The following CEP120 variants were observed in gnomAD, a reference collection of about 807,000 sequenced individuals.
The protein encoded by CEP120 is centrosomal protein of 120 kDa.
In CEP120, 113 loss-of-function variants were observed where a neutral mutation model predicts 126.5. The observed-to-expected ratio is 0.89, with a 90% CI of 0.77 to 1.04. The LOEUF (loss-of-function observed/expected upper bound fraction) is 1.04, where lower values mean the gene tolerates loss of function less well. CEP120 is among the 50% of genes least tolerant of loss of function. The pLI, the probability that CEP120 is intolerant of heterozygous loss-of-function variation, is 0.00. For missense variants in CEP120, 1,230 were observed against 1,155.7 expected, an observed-to-expected ratio of 1.06 and a Z score of -0.93; for synonymous variants, 400 against 394.3, an observed-to-expected ratio of 1.01 and a Z score of -0.17.
At chr5:123,366,624 T>C (rs188255600) in intron 17 of CEP120, among the ~76,000 whole-genome samples, 107 of 152,002 alleles carry the variant, frequency 7.0e-4, no homozygotes, top group Non-Finnish European at 1.4e-3. Context: ...TTTCAAATTC[T>C]ATTCCTTTAT....
At chr5:123,365,541 A>AAGTGCAG (rs1562011020) in intron 17 of CEP120, among the ~76,000 whole-genome samples, 1 of 151,756 alleles carries the variant, frequency 6.6e-6, no homozygotes, top group Non-Finnish European at 1.5e-5. Flanking sequence ...TCCCTTCACA[A>AAGTGCAG]AAGTGCAGAA....
rs376374734 is a variant in CEP120, at chr5:123,418,388, T to C, written c.177A>G (p.Glu59=). The C allele has an allele frequency of 4.2e-5, 67 of 1,607,058 alleles. No individual in the cohort carries two copies. The highest frequency in any genetic ancestry group is 5.4e-5 in the Non-Finnish European group (63 of 1,175,820). ...QPEFATELAW[E]IDRKALHQHR... ...GCTGATGAAGCGCTTTCCTGTCAATTTCCCAAGCTAACTCAGTAGCAAATT... is the reference window on the plus strand; with the variant it reads ...GCTGATGAAGCGCTTTCCTGTCAATCTCCCAAGCTAACTCAGTAGCAAATT... The change falls in exon 2 of 20, where the codon GAA becomes GAG. Residue 59 remains glutamate, a synonymous_variant. Coordinates refer to ENST00000306467, the MANE Select transcript of CEP120 (RefSeq NM_001375405.1).
chr5:123,361,965 G>A (rs1237403400), intron 18 of CEP120, among the ~76,000 whole-genome samples: 1 of 151,738 alleles, frequency 6.6e-6, no homozygotes, highest in Non-Finnish European at 1.5e-5. Context: ...TAGCTCTCTT[G>A]ACTCCAGGGC....
At chr5:123,417,553 C>T (rs546055434) in intron 2 of CEP120, among the ~76,000 whole-genome samples, 8 of 152,076 alleles carry the variant, frequency 5.3e-5, no homozygotes, top group Admixed American at 3.9e-4. Context: ...GATAGAATTA[C>T]TTTCATAACT....
Position 123,423,041 on chromosome 5 carries a change from G to A in CEP120, c.-43C>T, listed in dbSNP as rs1774825121. 4 of 1,560,240 alleles carry A rather than the reference G, an allele frequency of 2.6e-6. No homozygotes were observed. Among genetic ancestry groups the A allele is most frequent in the South Asian group, 2.2e-5 (2 of 90,046 alleles). ...CGGGGGCGAAGGCGGCTGGGGGGAA[G>A]TGAGGTCCAGTTGAGTCGCGGGTAA... is the stretch of plus-strand genomic sequence containing the variant. On this transcript the variant is annotated 5_prime_UTR_variant, in exon 1 of 20. Transcript: ENST00000306467.
At chr5:123,358,514 T>A (rs1012882430) in intron 18 of CEP120, 1 of 152,130 alleles carries the variant, frequency 6.6e-6, no homozygotes, top group African/African-American at 2.4e-5. Flanking sequence ...ATTGGCTTTT[T>A]AAAAAATTTT....
chr5:123,415,517 T>C (rs1462042040), intron 3 of CEP120, among the ~76,000 whole-genome samples: 1 of 152,228 alleles, frequency 6.6e-6, no homozygotes, highest in Non-Finnish European at 1.5e-5. Flanking sequence ...AGACAGTTCT[T>C]GGTCAAGGAA....
intron 5 of CEP120, among the ~76,000 whole-genome samples, chr5:123,398,693 A>T (rs1025393167): frequency 1.3e-5 from 2 of 152,230 alleles, no homozygotes; most frequent in Non-Finnish European, 2.9e-5. Context: ...GTCTTCTGCT[A>T]GCATCCATGA....
intron 7 of CEP120, 55 bp downstream of exon 7, chr5:123,391,055 G>T: frequency 7.7e-7 from 1 of 1,297,098 alleles, no homozygotes; most frequent in Non-Finnish European, 1.1e-6. Flanking sequence ...ACTTTTGTAA[G>T]TAATCATGCA....
At chr5:123,408,414 C>T (rs1263925591) in intron 4 of CEP120, among the ~76,000 whole-genome samples, 2 of 151,492 alleles carry the variant, frequency 1.3e-5, no homozygotes, top group African/African-American at 4.8e-5. Flanking sequence ...TACAAATTAC[C>T]CATACCAGAA....
At chr5:123,418,582 G>A in intron 1 of CEP120, 67 bp from the exon 2 acceptor site, 1 of 1,215,198 alleles carries the variant, frequency 8.2e-7, no homozygotes, top group Non-Finnish European at 1.1e-6. Context: ...TTTACCATGT[G>A]TTTTTTTGTT....
intron 17 of CEP120, among the ~76,000 whole-genome samples, chr5:123,367,214 C>T (rs551494167): frequency 2.0e-4 from 31 of 151,964 alleles, no homozygotes; most frequent in African/African-American, 7.5e-4. Flanking sequence ...TCTTATCTTT[C>T]CCATTTGCCC....
In CEP120 at chr5:123,399,290, C is replaced by T. The variant is rs1171528011; in HGVS notation, c.464-6G>A. On this transcript the variant is annotated splice_polypyrimidine_tract_variant and splice_region_variant and intron_variant, in intron 4 of 19. Transcript: ENST00000306467. ...TCCAGCCAGGATGGCAGGTACTTTA[C>T]AGAGAAAAACACGATTAAACTACAT... 1 of 1,613,072 alleles carries T rather than the reference C, an allele frequency of 6.2e-7. No individual in the cohort carries two copies. The highest frequency in any genetic ancestry group is 1.3e-5 in the African/African-American group (1 of 74,964).
intron 4 of CEP120, among the ~76,000 whole-genome samples, chr5:123,408,722 C>A (rs1580732244): frequency 1.3e-5 from 2 of 152,196 alleles, no homozygotes; most frequent in African/African-American, 4.8e-5. Flanking sequence ...TCTATAATCT[C>A]TTTCAGAAGA....
chr5:123,361,741 C>T (rs1219299397), intron 18 of CEP120, among the ~76,000 whole-genome samples: 1 of 151,756 alleles, frequency 6.6e-6, no homozygotes, highest in Non-Finnish European at 1.5e-5. Context: ...ACTGAACGCA[C>T]CACCACCACA....
intron 4 of CEP120, 90 bp downstream of exon 4, chr5:123,412,309 C>T (rs768243501): frequency 8.1e-7 from 1 of 1,228,944 alleles, no homozygotes; most frequent in Non-Finnish European, 1.1e-6. Flanking sequence ...TTACACCCTG[C>T]ATATATGTCC....
At chr5:123,370,903 G>C (rs1770810125) in intron 17 of CEP120, among the ~76,000 whole-genome samples, 2 of 151,562 alleles carry the variant, frequency 1.3e-5, no homozygotes, top group South Asian at 4.1e-4. Flanking sequence ...ACTATACCCA[G>C]TCCCCAATGT....
At chr5:123,353,140 TA>T (rs531819247) in intron 18 of CEP120, among the ~76,000 whole-genome samples, 3 of 152,086 alleles carry the variant, frequency 2.0e-5, no homozygotes, top group Admixed American at 2.0e-4. Context: ...AGAACACCTC[TA>T]ATACAATGTT....
intron 17 of CEP120, 123 bp downstream of exon 17, chr5:123,372,527 A>G: frequency 2.0e-6 from 2 of 988,920 alleles, no homozygotes; most frequent in Non-Finnish European, 3.1e-6. Context: ...TAATTCTCTA[A>G]TGCATTCTTA....
Sources: gnomAD v4.1 joint callset for allele counts (sites outside exome capture counted in the v4.1 genomes callset) on GRCh38, gnomAD v4.1.1 for gene constraint, MANE v1.5 for transcripts, NCBI Gene and HGNC (gene_info 2026-07-23, HGNC 2026-07-21) for gene names.